FGF13: variants seen among roughly 807,000 people sequenced by gnomAD.
FGF13 encodes fibroblast growth factor 13.
FGF13 carries 2 observed loss-of-function variants against 19.5 expected under a neutral mutation model. The observed-to-expected ratio is 0.10, with a 90% CI of 0.04 to 0.32. The LOEUF is 0.32. FGF13 is among the 10% of genes least tolerant of loss of function. The pLI is 1.00. For synonymous variants in FGF13, 72 were observed against 76.9 expected (o/e 0.94, Z 0.33); for missense variants, 113 against 192.7 (o/e 0.59, Z 2.45).
chrX:138,962,810 C>T (rs776124505), intron 1 of FGF13, among the ~76,000 whole-genome samples: 1 of 111,194 alleles, frequency 9.0e-6, no homozygotes, highest in East Asian at 2.9e-4. Context: ...AACACTTGGA[C>T]ACAGGGTGGG....
chrX:138,973,055 G>A lies in FGF13; in HGVS notation c.-112-108405C>T, dbSNP rs113561714. 1.8e-3 allele frequency among the ~76,000 whole-genome samples: 199 copies of A among 111,242 alleles called. 1 individual carries two copies. Among genetic ancestry groups the A allele is most frequent in the African/African-American group, 6.0e-3 (183 of 30,658 alleles). Reference sequence around the variant, plus strand: ...ATTTCTTTTCTTCTACTCATTTTGGGTTTAGTTTGCTTTTGTTTCTCTAGC... The same window carrying A: ...ATTTCTTTTCTTCTACTCATTTTGGATTTAGTTTGCTTTTGTTTCTCTAGC... On this transcript the variant is annotated intron_variant, in intron 1 of 2. Coordinates refer to the FGF13 transcript ENST00000421460.
At chrX:139,087,600 A>G (rs993134444) in intron 1 of FGF13, among the ~76,000 whole-genome samples, 2 of 112,101 alleles carry the variant, frequency 1.8e-5, no homozygotes, top group Admixed American at 1.9e-4. Flanking sequence ...GAGCAAAGTC[A>G]TCCTTGTTTG....
At chrX:138,686,195 C>A (rs996455309) in intron 3 of FGF13, among the ~76,000 whole-genome samples, 2 of 111,320 alleles carry the variant, frequency 1.8e-5, no homozygotes, top group African/African-American at 3.3e-5. Flanking sequence ...AATGCTCCAA[C>A]AAATATTAGA....
At chrX:138,711,840 C>T (rs2090056828), upstream of FGF13, among the ~76,000 whole-genome samples, 1 of 104,198 alleles carries the variant, frequency 9.6e-6, no homozygotes, top group Non-Finnish European at 2.0e-5. Context: ...TCCCCGGCCG[C>T]CCGTTCCGGC....
At chrX:138,642,204 G>A (rs1462708953) in intron 3 of FGF13, among the ~76,000 whole-genome samples, 4 of 103,071 alleles carry the variant, frequency 3.9e-5, no homozygotes, top group Non-Finnish European at 8.0e-5. Context: ...ATAGAGAAAA[G>A]GGGGAGAGGG....
At chrX:138,853,016 A>T (rs1481409002), downstream of FGF13, among the ~76,000 whole-genome samples, 1 of 111,433 alleles carries the variant, frequency 9.0e-6, no homozygotes, top group East Asian at 2.9e-4. Context: ...ATGCTTTTCT[A>T]ACAGAATAGG....
At chrX:138,778,391 C>A (rs1243508680) in intron 3 of FGF13, among the ~76,000 whole-genome samples, 1 of 111,838 alleles carries the variant, frequency 8.9e-6, no homozygotes, top group East Asian at 2.8e-4. Context: ...TTCTGCACTT[C>A]CATCTGAGGT....
At chrX:139,161,650 C>T (rs1379407351) in intron 1 of FGF13, among the ~76,000 whole-genome samples, 8 of 111,852 alleles carry the variant, frequency 7.2e-5, no homozygotes, top group African/African-American at 2.0e-4. Flanking sequence ...TTTAGACAAT[C>T]CCATTGCCTC....
chrX:138,861,994 C>T (rs1022774945), intron 2 of FGF13, among the ~76,000 whole-genome samples: 8 of 111,676 alleles, frequency 7.2e-5, no homozygotes, highest in Middle Eastern at 4.2e-3. Flanking sequence ...CAGAGTGAGA[C>T]GCCATCTCAA....
chrX:138,896,237 T>C (rs1477130158), intron 1 of FGF13, among the ~76,000 whole-genome samples: 1 of 112,012 alleles, frequency 8.9e-6, no homozygotes, highest in Non-Finnish European at 1.9e-5. Context: ...TGTGTGTGTG[T>C]GTATATATAT....
At chrX:138,964,956 A>G (rs1054160644) in intron 1 of FGF13, among the ~76,000 whole-genome samples, 4 of 111,743 alleles carry the variant, frequency 3.6e-5, no homozygotes, top group Non-Finnish European at 7.5e-5. Flanking sequence ...AAACATCCAA[A>G]CTACATCACC....
chrX:139,189,839 T>C (rs1603235049), intron 1 of FGF13, among the ~76,000 whole-genome samples: 1 of 112,113 alleles, frequency 8.9e-6, no homozygotes, highest in Non-Finnish European at 1.9e-5. Flanking sequence ...GTAAATTTTA[T>C]GTTATGTGTA....
At chrX:138,714,560 G>A (rs1004912017), upstream of FGF13, among the ~76,000 whole-genome samples, 5 of 111,216 alleles carry the variant, frequency 4.5e-5, no homozygotes, top group East Asian at 5.7e-4. Flanking sequence ...CATGAGAATC[G>A]CTTGAACCCG....
chrX:139,151,806 CTTAA>C (rs2083936534), intron 1 of FGF13, among the ~76,000 whole-genome samples: 1 of 111,984 alleles, frequency 8.9e-6, no homozygotes, highest in Non-Finnish European at 1.9e-5. Context: ...TAATTTTTAA[CTTAA>C]TTGTTAACTG....
In FGF13 at chrX:139,115,838, G is replaced by C. The variant is rs988407786; in HGVS notation, c.-113+87578C>G. On this transcript the variant is annotated intron_variant, in intron 1 of 2. Transcript: ENST00000421460. ...CGTGAACTCCATGACTACAGAGACT[G>C]TATGTTTGGTTCACCATCTTGTAGC... is the stretch of plus-strand genomic sequence containing the variant. Among the ~76,000 whole-genome samples, 10 of 112,727 alleles carry C rather than the reference G, an allele frequency of 8.9e-5. No individual in the cohort carries two copies. The Admixed American group carries it at 9.4e-4, about 11-fold the overall frequency.
rs749748426 is a variant in FGF13, at chrX:138,934,595, C to T, written c.-112-69945G>A. 1.8e-5 allele frequency among the ~76,000 whole-genome samples: 2 copies of T among 112,623 alleles called. 1 individual carries two copies. The highest frequency in any genetic ancestry group is 7.3e-4 in the South Asian group (2 of 2,738). The stretch of plus-strand genomic sequence containing the variant: ...CTCATGGAGGATGGCTCTCTGCTTA[C>T]AGCTTTGAAAATAAACGAGATGAAA... On this transcript the variant is annotated intron_variant, in intron 1 of 2. Coordinates refer to the FGF13 transcript ENST00000421460.
At chrX:138,797,461 C>T (rs1252431748) in intron 3 of FGF13, among the ~76,000 whole-genome samples, 1 of 111,438 alleles carries the variant, frequency 9.0e-6, no homozygotes, top group Admixed American at 9.5e-5. Flanking sequence ...GTTACTGTAG[C>T]CTTGTAGTAT....
At chrX:139,071,917 G>A (rs1413018996) in intron 1 of FGF13, among the ~76,000 whole-genome samples, 1 of 102,375 alleles carries the variant, frequency 9.8e-6, no homozygotes, top group Non-Finnish European at 2.0e-5. Flanking sequence ...TCGGGAGGCT[G>A]AGGCAGGAGA....
intron 1 of FGF13, among the ~76,000 whole-genome samples, chrX:139,005,199 C>A (rs1329228922): frequency 6.4e-5 from 4 of 62,460 alleles, no homozygotes; most frequent in South Asian, 1.0e-3. Context: ...CACTGCCCCC[C>A]CCCCCCCCCC....
Sources: allele counts gnomAD v4.1 joint callset (sites outside exome capture counted in the v4.1 genomes callset), GRCh38; gene constraint gnomAD v4.1.1; transcripts MANE v1.5; gene names NCBI Gene and HGNC (gene_info 2026-07-23, HGNC 2026-07-21).